Variants in GUSB observed in about 807,000 individuals in gnomAD.
GUSB encodes glucuronidase beta.
A neutral mutation model predicts 74.6 loss-of-function variants in GUSB; 51 were observed. The ratio of observed to expected loss-of-function variants is 0.68; its 90% confidence interval spans 0.55 to 0.86. GUSB has a LOEUF of 0.86. Among genes scored for constraint, GUSB ranks in the 40% least tolerant of loss-of-function variants. The pLI is 0.00. For synonymous variants in GUSB, 360 were observed against 348.3 expected, an observed-to-expected ratio of 1.03 and a Z score of -0.37; for missense variants, 736 against 853.7, an observed-to-expected ratio of 0.86 and a Z score of 1.72.
rs794726973 is a variant in GUSB, at chr7:65,967,850, C to T, written c.1534G>A (p.Gly512Arg). The change falls in exon 10 of 12, where the codon GGG becomes AGG. Residue 512 changes from glycine to arginine, a missense_variant. Around this residue, in one of 2 missense-constraint regions of GUSB, gnomAD observed 368 missense variants for 489.9 expected, o/e 0.75. Transcript: ENST00000304895. ...TGCAGCTGAATCAACTCCAGGTGCC[C>T]GTAGTCGTGATACCAAGAGTAGTAG... Reference protein sequence around the residue: ...NSYYSWYHDYGHLELIQLQLA... With the variant: ...NSYYSWYHDYRHLELIQLQLA... The T allele has an allele frequency of 6.2e-7, 1 of 1,607,338 alleles. No homozygotes were observed. Among genetic ancestry groups the T allele is most frequent in the South Asian group, 1.1e-5 (1 of 91,072 alleles).
chr7:65,964,482 G>A (rs1209750126), intron 10 of GUSB, 24 bp from the exon 11 acceptor site: 2 of 1,607,606 alleles, frequency 1.2e-6, no homozygotes, highest in South Asian at 1.1e-5. Context: ...CAAAGAGAAT[G>A]TAAGAGTCAG....
chr7:65,980,852 G>C (rs1369806918), intron 1 of GUSB: 1 of 266,310 alleles, frequency 3.8e-6, no homozygotes, highest in Non-Finnish European at 7.5e-6. Flanking sequence ...GTCAGAATAA[G>C]AGGATGTAGA....
chr7:65,980,427 G>C lies in GUSB; in HGVS notation c.211-18C>G. 1.2e-6 allele frequency: 2 copies of C among 1,609,200 alleles called. No individual in the cohort carries two copies. Among genetic ancestry groups the C allele is most frequent in the Non-Finnish European group, 1.7e-6 (2 of 1,177,690 alleles). ...GGGCCTGACTGTGGAGAGAAGAGCC[G>C]GGCTCAGCTCCTAGGCCCCCAAAAG... On this transcript the variant is annotated intron_variant, in intron 1 of 11. Coordinates refer to ENST00000304895, the MANE Select transcript of GUSB (RefSeq NM_000181.4).
chr7:65,961,939 T>TCC (rs1562667509), intron 11 of GUSB, among the ~76,000 whole-genome samples: 2 of 151,804 alleles, frequency 1.3e-5, no homozygotes, highest in African/African-American at 4.8e-5. Flanking sequence ...GACGCAGAGG[T>TCC]TGCAGTGAGC....
chr7:65,961,456 G>C (rs1006666031), intron 11 of GUSB, among the ~76,000 whole-genome samples: 2 of 152,140 alleles, frequency 1.3e-5, no homozygotes, highest in Admixed American at 6.6e-5. Flanking sequence ...TACAGTTTCA[G>C]GATGCTTGCT....
At chr7:65,961,253 A>G (rs1562666733) in intron 11 of GUSB, among the ~76,000 whole-genome samples, 190 bp from the exon 12 acceptor site, 1 of 151,906 alleles carries the variant, frequency 6.6e-6, no homozygotes, top group African/African-American at 2.4e-5. Flanking sequence ...GGCTCAGGCA[A>G]TCCTCCTGCC....
intron 4 of GUSB, among the ~76,000 whole-genome samples, chr7:65,978,045 C>T (rs1481582141): frequency 6.7e-6 from 1 of 149,750 alleles, no homozygotes; most frequent in Non-Finnish European, 1.5e-5. Flanking sequence ...CTCCTGACCT[C>T]GTGATCCCCC....
Position 65,961,019 on chromosome 7 carries a change from G to A in GUSB, c.1834C>T (p.Gln612Ter). The A allele has an allele frequency of 1.2e-6, 2 of 1,613,170 alleles. No individual in the cohort carries two copies. Among genetic ancestry groups the A allele is most frequent in the Non-Finnish European group, 1.7e-6 (2 of 1,179,794 alleles). Residue 612 changes from glutamine (Q) to a stop codon, truncating the protein, a stop_gained, in exon 12 of 12, where the codon CAG becomes TAG. Coordinates refer to ENST00000304895, the MANE Select transcript of GUSB (RefSeq NM_000181.4). LOFTEE classifies it low-confidence loss of function (END_TRUNC). ...AACGCTGCACTTTTTGGTTGTCTCT[G>A]CCGAGTGAAGATCCCCTTTTTATTC... ...LGNKKGIFTR[Q>*]RQPKSAAFLL...
chr7:65,970,335 G>T lies in GUSB; in HGVS notation c.1423C>A (p.Pro475Thr). The change falls in exon 9 of 12, where the codon CCC becomes ACC. Residue 475 changes from proline to threonine, a missense_variant. By Grantham distance (38) the Pro-to-Thr change is conservative. This residue lies in a region of GUSB where 368 missense variants were observed against 489.9 expected (regional missense o/e 0.75). Transcript: ENST00000304895. ...MVIAHTKSLD[P>T]SRPVTFVSNS... ...CTCACAAAGGTCACAGGCCGGGAGG[G>T]GTCCAAGGATTTGGTGTGAGCGATC... 1 of 1,613,170 alleles carries T rather than the reference G, an allele frequency of 6.2e-7. No homozygotes were observed. Among genetic ancestry groups the T allele is most frequent in the South Asian group, 1.1e-5 (1 of 91,028 alleles).
chr7:65,961,704 A>G (rs1003918473), intron 11 of GUSB, among the ~76,000 whole-genome samples: 3 of 152,168 alleles, frequency 2.0e-5, no homozygotes, highest in African/African-American at 7.2e-5. Flanking sequence ...ACCCGCCTCT[A>G]TTAAAAATAC....
At position 65,974,667 on chromosome 7, in the gene GUSB, T is replaced by C; in HGVS notation, c.1103A>G (p.Lys368Arg). The C allele has an allele frequency of 4.3e-6, 7 of 1,613,718 alleles. No homozygotes were observed. The highest frequency in any genetic ancestry group is 5.9e-6 in the Non-Finnish European group (7 of 1,180,024). Residue 368 changes from lysine to arginine, a missense_variant, in exon 7 of 12, where the codon AAG (lysine) becomes AGG (arginine). By Grantham distance (26) the Lys-to-Arg change is conservative. Around this residue, in one of 2 missense-constraint regions of GUSB, gnomAD observed 368 missense variants for 489.9 expected, o/e 0.75. Transcript: ENST00000304895. ...GKGFDWPLLV[K>R]DFNLLRWLGA... Reference sequence around the variant, plus strand: ...AAGCCAGCGAAGCAGGTTGAAGTCCTTCACCAGCAGCGGCCAGTCGAAGCC... The same window carrying C: ...AAGCCAGCGAAGCAGGTTGAAGTCCCTCACCAGCAGCGGCCAGTCGAAGCC...
chr7:65,967,930 C>G, intron 9 of GUSB, 23 bp from the exon 10 acceptor site: 2 of 1,592,618 alleles, frequency 1.3e-6, no homozygotes, highest in Non-Finnish European at 8.5e-7. Flanking sequence ...CAGCAGAGCC[C>G]GTTCAGCACT....
chr7:65,969,037 T>A (rs1277837284), intron 9 of GUSB, among the ~76,000 whole-genome samples: 1 of 152,168 alleles, frequency 6.6e-6, no homozygotes, highest in Non-Finnish European at 1.5e-5. Flanking sequence ...AGCAGGGGCT[T>A]CTGTGTCCAA....
At chr7:65,975,864 A>G in intron 5 of GUSB, 151 bp downstream of exon 5, 2 of 625,336 alleles carry the variant, frequency 3.2e-6, no homozygotes, top group Non-Finnish European at 5.5e-6. Flanking sequence ...AAAAAAAAAA[A>G]AAGAAAATGG....
At chr7:65,972,276 C>T (rs1791265029) in intron 8 of GUSB, among the ~76,000 whole-genome samples, 1 of 152,052 alleles carries the variant, frequency 6.6e-6, no homozygotes, top group Admixed American at 6.6e-5. Context: ...ATTCTCCTGC[C>T]TCAGCCTCCC....
Position 65,974,972 on chromosome 7 carries a change from T to A in GUSB, c.1012A>T (p.Ile338Phe). Residue 338 changes from isoleucine to phenylalanine, a missense_variant, in exon 6 of 12, where the codon ATC (isoleucine) becomes TTC (phenylalanine). This residue lies in a region of GUSB where 368 missense variants were observed against 489.9 expected (regional missense o/e 0.75). Transcript: ENST00000304895. ...TVAVTKSQFL[I>F]NGKPFYFHGV... ...TGGAAATAGAAAGGTTTCCCATTGA[T>A]GAGGAACTGGCTCTTGGTGACAGCC... 5 of 1,613,602 alleles carry A rather than the reference T, an allele frequency of 3.1e-6. No individual in the cohort carries two copies. The highest frequency in any genetic ancestry group is 4.2e-6 in the Non-Finnish European group (5 of 1,179,582).
At chr7:65,972,618 AACAGCC>A (rs1791289629) in intron 8 of GUSB, among the ~76,000 whole-genome samples, 2 of 152,102 alleles carry the variant, frequency 1.3e-5, no homozygotes, top group Admixed American at 6.6e-5. Context: ...CACACTCTCC[AACAGCC>A]AGGCTCTCAG....
chr7:65,969,542 A>G (rs1791063088), intron 9 of GUSB, among the ~76,000 whole-genome samples: 1 of 151,932 alleles, frequency 6.6e-6, no homozygotes, highest in African/African-American at 2.4e-5. Context: ...ACAAAAAGAT[A>G]TAAAATTAGC....
chr7:65,980,108 G>A, intron 2 of GUSB, 116 bp downstream of exon 2: 3 of 1,118,102 alleles, frequency 2.7e-6, no homozygotes, highest in South Asian at 2.7e-5. Flanking sequence ...GCAGGGCAGG[G>A]CAGGACCCCC....
Sources: allele counts gnomAD v4.1 joint callset (sites outside exome capture counted in the v4.1 genomes callset), GRCh38; gene constraint gnomAD v4.1.1; regional missense constraint gnomAD v4.1.1; transcripts MANE v1.5; gene names NCBI Gene and HGNC (gene_info 2026-07-23, HGNC 2026-07-21).